Variants in AKR1C8 observed in about 807,000 individuals in gnomAD.
AKR1C8 encodes the protein aldo-keto reductase family 1 member C-like protein 1.
At chr10:5,159,555 T>A in the AKR1C8 span, among the ~76,000 whole-genome samples, 1 of 152,190 alleles carries the variant, frequency 6.6e-6, no homozygotes, top group South Asian at 2.1e-4. Flanking sequence ...GGAGAACAAA[T>A]CCATGTCTGT....
the AKR1C8 span, among the ~76,000 whole-genome samples, chr10:5,126,646 A>G: frequency 6.6e-6 from 1 of 152,138 alleles, no homozygotes; most frequent in African/African-American, 2.4e-5. Flanking sequence ...CTCTATAAAT[A>G]AAATACTGGG....
At chr10:5,145,728 G>T in the AKR1C8 span, among the ~76,000 whole-genome samples, 1 of 152,128 alleles carries the variant, frequency 6.6e-6, no homozygotes, top group Non-Finnish European at 1.5e-5. Flanking sequence ...GGAGAAATAG[G>T]AACACTTTTA....
the AKR1C8 span, among the ~76,000 whole-genome samples, chr10:5,172,868 C>T: frequency 0.031 from 4,740 of 152,086 alleles, 249 homozygotes; most frequent in African/African-American, 0.11. Context: ...GACAGACAAC[C>T]AGAAGAAGAT....
chr10:5,118,647 GCT>G, the AKR1C8 span, among the ~76,000 whole-genome samples: 2 of 152,094 alleles, frequency 1.3e-5, no homozygotes, highest in Non-Finnish European at 2.9e-5. Context: ...GGCGAGAGAA[GCT>G]CATAGAAAAA....
At chr10:5,151,578 A>G in the AKR1C8 span, among the ~76,000 whole-genome samples, 4 of 113,784 alleles carry the variant, frequency 3.5e-5, no homozygotes, top group Non-Finnish European at 5.6e-5. Flanking sequence ...TTTTTTTGAG[A>G]CACAGTCTTG....
the AKR1C8 span, among the ~76,000 whole-genome samples, chr10:5,174,594 T>A: frequency 2.0e-5 from 3 of 151,996 alleles, no homozygotes. Flanking sequence ...CTAACTATAC[T>A]AGAAAAACTC....
At chr10:5,121,650 C>T in the AKR1C8 span, among the ~76,000 whole-genome samples, 1 of 151,980 alleles carries the variant, frequency 6.6e-6, no homozygotes, top group African/African-American at 2.4e-5. Context: ...TACCTGGGCC[C>T]ATCTCCATAA....
At chr10:5,155,516 G>A in the AKR1C8 span, 1 of 300,510 alleles carries the variant, frequency 3.3e-6, no homozygotes, top group Non-Finnish European at 6.7e-6. Flanking sequence ...CAGAGATTGA[G>A]TCCTGGAGGA....
chr10:5,156,394 A>G, the AKR1C8 span, among the ~76,000 whole-genome samples: 1 of 152,198 alleles, frequency 6.6e-6, no homozygotes, highest in Non-Finnish European at 1.5e-5. Flanking sequence ...ACTTAAGTCA[A>G]GAGTAGTTTT....
At chr10:5,132,022 G>A in the AKR1C8 span, among the ~76,000 whole-genome samples, 1 of 152,128 alleles carries the variant, frequency 6.6e-6, no homozygotes, top group African/African-American at 2.4e-5. Flanking sequence ...TTGAAATAAT[G>A]TCTTTTGTAG....
chr10:5,123,943 A>G, the AKR1C8 span: 2 of 1,006,270 alleles, frequency 2.0e-6, no homozygotes, highest in Non-Finnish European at 2.8e-6. Context: ...TGAACTGACA[A>G]TATTACTGTC....
chr10:5,178,297 A>T, the AKR1C8 span, among the ~76,000 whole-genome samples: 1 of 152,224 alleles, frequency 6.6e-6, no homozygotes, highest in South Asian at 2.1e-4. Flanking sequence ...GTTTTGAGTG[A>T]GTTTCTTAAT....
the AKR1C8 span, among the ~76,000 whole-genome samples, chr10:5,144,145 G>T: frequency 6.6e-6 from 1 of 151,966 alleles, no homozygotes; most frequent in Admixed American, 6.6e-5. Flanking sequence ...TTTCCCCATT[G>T]CTTGTTTTTC....
chr10:5,150,360 T>C, the AKR1C8 span, among the ~76,000 whole-genome samples: 11 of 151,928 alleles, frequency 7.2e-5, no homozygotes, highest in Admixed American at 5.9e-4. Flanking sequence ...AAGGAATATT[T>C]TATGCCATAC....
the AKR1C8 span, chr10:5,157,570 T>A: frequency 2.3e-6 from 1 of 426,758 alleles, no homozygotes; most frequent in Admixed American, 2.6e-5. Flanking sequence ...CATTCTCCCA[T>A]GTAAGAGAGA....
At chr10:5,126,823 C>A in the AKR1C8 span, among the ~76,000 whole-genome samples, 1 of 151,888 alleles carries the variant, frequency 6.6e-6, no homozygotes, top group South Asian at 2.1e-4. Flanking sequence ...CTCTCTATAA[C>A]CAAGGAACTC....
the AKR1C8 span, among the ~76,000 whole-genome samples, chr10:5,156,736 G>A: frequency 6.6e-6 from 1 of 152,130 alleles, no homozygotes. Flanking sequence ...TTGTCACAAT[G>A]AGATTTAGAT....
chr10:5,141,652 T>C, the AKR1C8 span, among the ~76,000 whole-genome samples: 5 of 152,182 alleles, frequency 3.3e-5, no homozygotes, highest in African/African-American at 1.2e-4. Context: ...AGTAATCTTT[T>C]GGTACCTCTG....
chr10:5,181,215 C>T, the AKR1C8 span, among the ~76,000 whole-genome samples: 2 of 152,108 alleles, frequency 1.3e-5, no homozygotes, highest in African/African-American at 4.8e-5. Flanking sequence ...AATCTCATCT[C>T]ATTGTCAAAT....
Sources: allele counts gnomAD v4.1 joint callset (sites outside exome capture counted in the v4.1 genomes callset), GRCh38; gene constraint gnomAD v4.1.1; transcripts MANE v1.5; gene names NCBI Gene and HGNC (gene_info 2026-07-23, HGNC 2026-07-21).